The following RIMS2 variants were observed in gnomAD, a reference collection of about 807,000 sequenced individuals.
The protein encoded by RIMS2 is regulating synaptic membrane exocytosis 2.
Under a neutral mutation model 174.4 loss-of-function variants are expected in RIMS2, and 59 were observed. The observed-to-expected ratio is 0.34, with a 90% CI of 0.27 to 0.42. The LOEUF (loss-of-function observed/expected upper bound fraction) is 0.42, where lower values mean the gene tolerates loss of function less well. RIMS2 is among the 10% of genes least tolerant of loss of function. The pLI is 1.00. For synonymous variants in RIMS2, 606 were observed against 572.5 expected, an observed-to-expected ratio of 1.06 and a Z score of -0.84; for missense variants, 1,620 against 1,666.3, an observed-to-expected ratio of 0.97 and a Z score of 0.48.
chr8:104,086,480 T>C (rs900342837), intron 19 of RIMS2, among the ~76,000 whole-genome samples: 1 of 151,988 alleles, frequency 6.6e-6, no homozygotes, highest in African/African-American at 2.4e-5. Context: ...ATTAAGATTG[T>C]TTCTCAAGGA....
chr8:103,669,686 C>T (rs2096720976), intron 1 of RIMS2, among the ~76,000 whole-genome samples: 1 of 152,246 alleles, frequency 6.6e-6, no homozygotes, highest in South Asian at 2.1e-4. Context: ...CTTAAAGCTC[C>T]AAAATGATTT....
chr8:103,922,584 T>C (rs2077899221), intron 10 of RIMS2: 6 of 368,518 alleles, frequency 1.6e-5, no homozygotes, highest in South Asian at 1.0e-4. Flanking sequence ...ATTTCATGAG[T>C]ATTAAAAAGC....
intron 2 of RIMS2, among the ~76,000 whole-genome samples, chr8:103,726,988 C>T (rs1297899120): frequency 1.3e-5 from 2 of 151,518 alleles, no homozygotes. Context: ...CTGCCCACCT[C>T]AGCCTCCCAA....
At chr8:103,865,407 C>T (rs1594126350) in intron 3 of RIMS2, among the ~76,000 whole-genome samples, 1 of 151,318 alleles carries the variant, frequency 6.6e-6, no homozygotes, top group East Asian at 1.9e-4. Context: ...ACCTCAGCCT[C>T]CCAAGTAGCT....
chr8:103,997,609 A>G (rs186016426), intron 17 of RIMS2, among the ~76,000 whole-genome samples: 180 of 151,888 alleles, frequency 1.2e-3, no homozygotes, highest in Middle Eastern at 6.8e-3. Context: ...AGCATGTAAT[A>G]CATAATACAT....
intron 1 of RIMS2, among the ~76,000 whole-genome samples, chr8:103,567,522 AAAT>A (rs1374843052): frequency 2.0e-5 from 3 of 152,212 alleles, no homozygotes; most frequent in African/African-American, 7.2e-5. Flanking sequence ...TTTTGTGGCC[AAAT>A]AATAATCTGT....
At chr8:103,818,566 A>G (rs2098732542) in intron 3 of RIMS2, among the ~76,000 whole-genome samples, 1 of 152,188 alleles carries the variant, frequency 6.6e-6, no homozygotes, top group Non-Finnish European at 1.5e-5. Context: ...AATAATTGAT[A>G]AAGTGTCTCT....
intron 19 of RIMS2, among the ~76,000 whole-genome samples, chr8:104,021,415 A>G (rs2096084184): frequency 6.6e-6 from 1 of 152,166 alleles, no homozygotes; most frequent in Admixed American, 6.5e-5. Context: ...CACGAGCTCC[A>G]TGATTTTTGA....
intron 14 of RIMS2, among the ~76,000 whole-genome samples, chr8:103,948,687 A>C (rs147490753): frequency 5.3e-4 from 81 of 152,334 alleles, no homozygotes; most frequent in African/African-American, 1.7e-3. Context: ...ACACTGACTG[A>C]AAATGGGTGT....
In RIMS2 at chr8:103,795,176, G is replaced by C. The variant is rs148016985; in HGVS notation, c.698+28639G>C. 3.7e-3 allele frequency among the ~76,000 whole-genome samples: 570 copies of C among 152,218 alleles called. 8 individuals carry two copies. The highest frequency in any genetic ancestry group is 0.013 in the African/African-American group (541 of 41,518). ...CACTATTCACAATAGCAAAGACCTG[G>C]AACCAACCCAAATGTCATCAATGAT... On this transcript the variant is annotated intron_variant, in intron 3 of 23. Coordinates refer to ENST00000504942, the Ensembl canonical transcript of RIMS2.
At chr8:103,603,573 A>G (rs1270498240) in intron 1 of RIMS2, among the ~76,000 whole-genome samples, 3 of 152,138 alleles carry the variant, frequency 2.0e-5, no homozygotes, top group African/African-American at 7.2e-5. Flanking sequence ...GAATCGCCAC[A>G]TTGACTTCCA....
intron 19 of RIMS2, among the ~76,000 whole-genome samples, chr8:104,122,553 T>C (rs1047941544): frequency 6.6e-6 from 1 of 152,134 alleles, no homozygotes; most frequent in African/African-American, 2.4e-5. Context: ...AAGTTTGGGA[T>C]GTCAATAGGG....
intron 14 of RIMS2, among the ~76,000 whole-genome samples, chr8:103,950,286 A>C (rs1401925947): frequency 6.6e-6 from 1 of 152,122 alleles, no homozygotes; most frequent in Non-Finnish European, 1.5e-5. Flanking sequence ...AACAAACATT[A>C]CTCTAATACC....
At chr8:104,120,259 C>A (rs948150159) in intron 19 of RIMS2, among the ~76,000 whole-genome samples, 1 of 152,074 alleles carries the variant, frequency 6.6e-6, no homozygotes, top group Non-Finnish European at 1.5e-5. Context: ...AGCATATGAG[C>A]TAGATCATAA....
At chr8:104,022,438 T>C (rs2096124697) in intron 19 of RIMS2, among the ~76,000 whole-genome samples, 1 of 152,140 alleles carries the variant, frequency 6.6e-6, no homozygotes, top group South Asian at 2.1e-4. Context: ...TGGAGTGCAG[T>C]GGCGCACAGT....
intron 19 of RIMS2, among the ~76,000 whole-genome samples, chr8:104,225,629 A>G (rs540473424): frequency 2.0e-4 from 30 of 152,338 alleles, no homozygotes; most frequent in African/African-American, 6.5e-4. Flanking sequence ...ATATGAAATT[A>G]TTTCAATATT....
chr8:103,666,088 T>C (rs977845481), intron 1 of RIMS2, among the ~76,000 whole-genome samples: 6 of 152,114 alleles, frequency 3.9e-5, no homozygotes, highest in Non-Finnish European at 8.8e-5. Context: ...CCAGAATAGA[T>C]TCAGAGAGAC....
At position 103,975,530 on chromosome 8, in the gene RIMS2, T is replaced by C. The variant is rs765065140; in HGVS notation, c.2927+24T>C. ...AGGTAAGATAGACTACTTATTTTAT[T>C]TGTAGGGTGGCTGTATTAGTCAGTG... On this transcript the variant is annotated intron_variant, in intron 16 of 23. Transcript: ENST00000504942. 1.9e-6 allele frequency: 3 copies of C among 1,590,178 alleles called. No homozygotes were observed. In the East Asian group the frequency reaches 6.7e-5, roughly 36 times the overall value.
At chr8:103,913,560 T>C (rs1250410754) in intron 6 of RIMS2, among the ~76,000 whole-genome samples, 2 of 152,198 alleles carry the variant, frequency 1.3e-5, no homozygotes, top group Admixed American at 1.3e-4. Context: ...TTTCTTGCAT[T>C]GCTGTAAAGA....
Sources: gnomAD v4.1 joint callset for allele counts (sites outside exome capture counted in the v4.1 genomes callset) on GRCh38, gnomAD v4.1.1 for gene constraint, MANE v1.5 for transcripts, NCBI Gene and HGNC (gene_info 2026-07-23, HGNC 2026-07-21) for gene names.